Variants in MYOCD observed in about 807,000 individuals in gnomAD.
MYOCD encodes the protein myocardin.
In MYOCD, 32 loss-of-function variants were observed where a neutral mutation model predicts 96.1. The observed-to-expected ratio is 0.33, with a 90% CI of 0.25 to 0.45. The LOEUF (loss-of-function observed/expected upper bound fraction) is 0.45, where lower values mean the gene tolerates loss of function less well. Ranked by LOEUF, MYOCD falls within the 20% of genes least tolerant of loss-of-function variation. The pLI is 1.00. For missense variants in MYOCD, 1,133 were observed against 1,200.6 expected, an observed-to-expected ratio of 0.94 and a Z score of 0.83; for synonymous variants, 469 against 469.0, an observed-to-expected ratio of 1.00 and a Z score of 0.00.
chr17:12,730,833 T>C (rs2322592), intron 5 of MYOCD, among the ~76,000 whole-genome samples: 21,497 of 152,178 alleles, frequency 0.14, 3,021 homozygotes, highest in African/African-American at 0.36. Context: ...CGCATTTTCA[T>C]ATTCTACTTC....
chr17:12,697,595 C>T (rs945361948), intron 1 of MYOCD, among the ~76,000 whole-genome samples: 6 of 151,494 alleles, frequency 4.0e-5, no homozygotes, highest in Admixed American at 6.6e-5. Context: ...ATCTCCTGAC[C>T]TCGTCTCGGC....
intron 2 of MYOCD, among the ~76,000 whole-genome samples, chr17:12,708,356 A>G (rs2031368889): frequency 6.6e-6 from 1 of 152,186 alleles, no homozygotes. Context: ...CTCAAAGTTG[A>G]TGGCCAAGTG....
chr17:12,681,553 C>G (rs1483686637), intron 1 of MYOCD, among the ~76,000 whole-genome samples: 1 of 152,158 alleles, frequency 6.6e-6, no homozygotes, highest in African/African-American at 2.4e-5. Context: ...ATTCTGAGAC[C>G]GAGCCTTTTG....
chr17:12,752,906 A>G lies in MYOCD; in HGVS notation c.1618A>G (p.Arg540Gly). Residue 540 changes from arginine (R) to glycine (G), a missense_variant, in exon 10 of 14, where the codon AGG (arginine) becomes GGG (glycine). Transcript: ENST00000425538. ...ELTWKLQQEQ[R>G]QVEELRMQLQ... is the part of the protein sequence containing the mutation. Reference sequence around the variant, plus strand: ...CACCTGGAAACTCCAGCAAGAGCAGAGGCAGGTGGAGGAGCTGAGGATGCA... The same window carrying G: ...CACCTGGAAACTCCAGCAAGAGCAGGGGCAGGTGGAGGAGCTGAGGATGCA... 1 of 1,614,168 alleles carries G rather than the reference A, an allele frequency of 6.2e-7. No individual in the cohort carries two copies. Among genetic ancestry groups the G allele is most frequent in the Non-Finnish European group, 8.5e-7 (1 of 1,180,034 alleles).
At chr17:12,722,535 C>G (rs1244798332) in intron 4 of MYOCD, among the ~76,000 whole-genome samples, 1 of 152,162 alleles carries the variant, frequency 6.6e-6, no homozygotes, top group Non-Finnish European at 1.5e-5. Context: ...AGTGCCATAG[C>G]TTAGGGTTAG....
At chr17:12,734,504 C>CTTTTTT (rs3050319) in intron 5 of MYOCD, among the ~76,000 whole-genome samples, 912 of 65,478 alleles carry the variant, frequency 0.014, 40 homozygotes, top group Non-Finnish European at 0.016. Context: ...ACACATGATC[C>CTTTTTT]TTTTTTTTTT....
rs2032438763 is a variant in MYOCD, at chr17:12,739,314, C to A, written c.703C>A (p.His235Asn). The change falls in exon 7 of 14, where the codon CAT becomes AAT. Residue 235 changes from histidine (H) to asparagine (N), a missense_variant. His to Asn is a moderately conservative substitution (Grantham distance 68). Transcript: ENST00000425538. ...LGPPSTPIAV[H>N]AAVKSKSLGD... ...CCCCCCCAGCACCCCCATAGCCGTG[C>A]ATGCTGCTGTAAAGGTACGGACACA... 6.2e-7 allele frequency: 1 copy of A among 1,600,464 alleles called. No homozygotes were observed. Among genetic ancestry groups the A allele is most frequent in the Admixed American group, 1.8e-5 (1 of 56,888 alleles).
intron 5 of MYOCD, among the ~76,000 whole-genome samples, chr17:12,731,576 C>T (rs207476304): frequency 6.6e-6 from 1 of 152,074 alleles, no homozygotes. Flanking sequence ...AGGAACTGGG[C>T]CCAGTGCTTT....
At position 12,731,376 on chromosome 17, in the gene MYOCD, C is replaced by T. The variant is rs79509975; in HGVS notation, c.416-4785C>T. On this transcript the variant is annotated intron_variant, in intron 5 of 13. Coordinates refer to ENST00000425538, the MANE Select transcript of MYOCD (RefSeq NM_001146312.3). Reference sequence around the variant, plus strand: ...CTTTGCTTTCCCAGAAGGAACCTCTCAGGACCAACCAGTTTTTCTGGTTCT... The same window carrying T: ...CTTTGCTTTCCCAGAAGGAACCTCTTAGGACCAACCAGTTTTTCTGGTTCT... Among the ~76,000 whole-genome samples the T allele has an allele frequency of 2.3e-3, 347 of 152,316 alleles. 4 individuals are homozygous for T. The highest frequency in any genetic ancestry group is 0.013 in the East Asian group (66 of 5,176).
rs2032920128 is a variant in MYOCD, at chr17:12,753,396, G to A, written c.2058+50G>A. Reference sequence around the variant, plus strand: ...GGTGCACACTTCTTTCTGGAAGTGGGTTACAAATTTTCAACTGCTAAAGAG... The same window carrying A: ...GGTGCACACTTCTTTCTGGAAGTGGATTACAAATTTTCAACTGCTAAAGAG... On this transcript the variant is annotated intron_variant, in intron 10 of 13. Transcript: ENST00000425538. 4.0e-6 allele frequency: 6 copies of A among 1,485,282 alleles called. No individual in the cohort carries two copies. The South Asian group carries it at 8.1e-5, about 20-fold the overall frequency. The allele number at this position is 1,485,282 out of a possible 1,614,324, so 92.0% of individuals were successfully genotyped here.
In MYOCD at chr17:12,744,383, G is replaced by A. The variant is rs1294432102; in HGVS notation, c.918G>A (p.Gln306=). Residue 306 remains glutamine (Q), a synonymous_variant, in exon 8 of 14, where the codon CAG becomes CAA. Transcript: ENST00000425538. ...FLQLQILSQQ[Q]QQQQHRFSYL... is the part of the protein sequence containing the mutation. ...AGCTCCAAATCCTCAGCCAGCAGCAGCAGCAGCAGCAACACCGATTCAGCT... is the reference window on the plus strand; with the variant it reads ...AGCTCCAAATCCTCAGCCAGCAGCAACAGCAGCAGCAACACCGATTCAGCT... The A allele has an allele frequency of 2.5e-6, 4 of 1,613,946 alleles. No individual in the cohort carries two copies. The African/African-American group carries it at 5.3e-5, about 22-fold the overall frequency.
chr17:12,687,651 C>T (rs1008304888), intron 1 of MYOCD, among the ~76,000 whole-genome samples: 2 of 151,904 alleles, frequency 1.3e-5, no homozygotes, highest in African/African-American at 2.4e-5. Flanking sequence ...AATTTATGTT[C>T]GAAAAAATTA....
chr17:12,717,652 G>A (rs950686766), intron 4 of MYOCD, among the ~76,000 whole-genome samples: 1 of 152,196 alleles, frequency 6.6e-6, no homozygotes, highest in African/African-American at 2.4e-5. Context: ...TCAGCTGTGC[G>A]ATCTCCTAAC....
intron 10 of MYOCD, among the ~76,000 whole-genome samples, chr17:12,754,921 C>G (rs2032969309): frequency 6.6e-6 from 1 of 152,176 alleles, no homozygotes; most frequent in Non-Finnish European, 1.5e-5. Context: ...GCTCAGAGAG[C>G]TTAAATTAGT....
intron 1 of MYOCD, among the ~76,000 whole-genome samples, chr17:12,675,842 GA>G (rs1909997752): frequency 6.6e-6 from 1 of 152,186 alleles, no homozygotes; most frequent in African/African-American, 2.4e-5. Flanking sequence ...CTGGGTGACA[GA>G]GCAAGACTCC....
chr17:12,681,317 C>G (rs561494757), intron 1 of MYOCD, among the ~76,000 whole-genome samples: 1 of 152,106 alleles, frequency 6.6e-6, no homozygotes, highest in Non-Finnish European at 1.5e-5. Context: ...CCTCTAGTGT[C>G]TTGAGTTATT....
chr17:12,702,033 T>C (rs2031096520), intron 1 of MYOCD, among the ~76,000 whole-genome samples: 1 of 152,108 alleles, frequency 6.6e-6, no homozygotes, highest in African/African-American at 2.4e-5. Flanking sequence ...TTAGGTGTAG[T>C]GCTAAACAAA....
At chr17:12,715,950 T>G (rs1401853638) in intron 3 of MYOCD, among the ~76,000 whole-genome samples, 1 of 152,180 alleles carries the variant, frequency 6.6e-6, no homozygotes, top group Non-Finnish European at 1.5e-5. Context: ...AAAATCCAAT[T>G]CAAGGGTAAG....
At chr17:12,755,941 A>G (rs1482125910) in intron 10 of MYOCD, among the ~76,000 whole-genome samples, 2 of 152,160 alleles carry the variant, frequency 1.3e-5, no homozygotes, top group Non-Finnish European at 2.9e-5. Context: ...TGCTTACAAC[A>G]TTAAATGCTG....
Sources: gnomAD v4.1 joint callset for allele counts (sites outside exome capture counted in the v4.1 genomes callset) on GRCh38, gnomAD v4.1.1 for gene constraint, MANE v1.5 for transcripts, NCBI Gene and HGNC (gene_info 2026-07-23, HGNC 2026-07-21) for gene names.